Variants in ANKFN1 observed in about 807,000 individuals in gnomAD.
ANKFN1 encodes the protein ankyrin repeat and fibronectin type-III domain-containing protein 1.
Under a neutral mutation model 108.7 loss-of-function variants are expected in ANKFN1, and 74 were observed. The observed-to-expected ratio is 0.68, with a 90% CI of 0.56 to 0.83. ANKFN1 has a LOEUF of 0.83. ANKFN1 is among the 40% of genes least tolerant of loss of function. The pLI, the probability that ANKFN1 is intolerant of heterozygous loss-of-function variation, is 0.00. For missense variants in ANKFN1, 1,505 were observed against 1,382.3 expected (o/e 1.09, Z -1.41); for synonymous variants, 547 against 516.2 (o/e 1.06, Z -0.81).
intron 4 of ANKFN1, among the ~76,000 whole-genome samples, chr17:56,080,551 A>C (rs1905233537): frequency 6.6e-6 from 1 of 152,216 alleles, no homozygotes; most frequent in Non-Finnish European, 1.5e-5. Context: ...TCTGTGTGTC[A>C]TTCTCCATTC....
At chr17:56,446,035 C>T (rs576417615) in intron 10 of ANKFN1, among the ~76,000 whole-genome samples, 15 of 152,280 alleles carry the variant, frequency 9.9e-5, no homozygotes, top group East Asian at 9.6e-4. Flanking sequence ...TTTATGTAGT[C>T]GTCAGAACCT....
chr17:56,321,398 A>C (rs2045361831), intron 3 of ANKFN1, among the ~76,000 whole-genome samples: 1 of 151,902 alleles, frequency 6.6e-6, no homozygotes, highest in Admixed American at 6.6e-5. Flanking sequence ...TGCTGACCAC[A>C]GTAAGGGAAT....
intron 3 of ANKFN1, among the ~76,000 whole-genome samples, chr17:56,321,026 C>T (rs1019399341): frequency 1.9e-4 from 28 of 146,926 alleles, no homozygotes; most frequent in African/African-American, 7.6e-5. Context: ...TAATCAAGAA[C>T]TAGCATGCCC....
intron 20 of ANKFN1, among the ~76,000 whole-genome samples, chr17:56,502,967 T>G (rs2051421722): frequency 6.6e-6 from 1 of 152,230 alleles, no homozygotes; most frequent in African/African-American, 2.4e-5. Context: ...GTAGAACTCC[T>G]GTGCGTCAAT....
chr17:56,429,079 C>A (rs752883264), intron 8 of ANKFN1, among the ~76,000 whole-genome samples: 8 of 152,106 alleles, frequency 5.3e-5, no homozygotes, highest in Admixed American at 2.0e-4. Flanking sequence ...ATGGGCAGAT[C>A]CTCTTGTATA....
At chr17:56,301,633 T>C (rs2044672917) in intron 3 of ANKFN1, among the ~76,000 whole-genome samples, 1 of 151,856 alleles carries the variant, frequency 6.6e-6, no homozygotes, top group Non-Finnish European at 1.5e-5. Flanking sequence ...TTTAGCTGGA[T>C]TTACTGAATG....
At chr17:56,401,368 A>ATTGTATTGTATTGTATTGTGTTGTG (rs55888620) in intron 8 of ANKFN1, among the ~76,000 whole-genome samples, 1 of 135,548 alleles carries the variant, frequency 7.4e-6, no homozygotes, top group African/African-American at 2.8e-5. Flanking sequence ...ATTGTATTGT[A>ATTGTATTGTATTGTATTGTGTTGTG]TTGTGTTGTG....
intron 8 of ANKFN1, among the ~76,000 whole-genome samples, chr17:56,421,511 T>C (rs1405300989): frequency 6.6e-6 from 1 of 152,212 alleles, no homozygotes; most frequent in African/African-American, 2.4e-5. Context: ...ACTAAACCTC[T>C]TTGGCATCAC....
intron 3 of ANKFN1, among the ~76,000 whole-genome samples, chr17:56,309,125 C>T (rs751471856): frequency 3.3e-4 from 50 of 152,154 alleles, no homozygotes; most frequent in Non-Finnish European, 4.3e-4. Flanking sequence ...TGTGTTAATT[C>T]TTTAATTCTT....
intron 3 of ANKFN1, among the ~76,000 whole-genome samples, chr17:56,303,426 C>A (rs1400003728): frequency 2.0e-5 from 3 of 152,162 alleles, no homozygotes; most frequent in African/African-American, 7.2e-5. Flanking sequence ...AATTCATCTG[C>A]TGCTCAACAC....
chr17:56,358,283 T>C lies in ANKFN1; in HGVS notation c.601+4237T>C, dbSNP rs544405555. Among the ~76,000 whole-genome samples the C allele has an allele frequency of 3.3e-5, 5 of 152,326 alleles. No individual in the cohort carries two copies. In the East Asian group the frequency reaches 9.6e-4, roughly 29 times the overall value. Reference sequence around the variant, plus strand: ...AATTCAGAAGAACATCCTCTGTAGTTTTCTCCATTTCTTAACAGGAATCAC... The same window carrying C: ...AATTCAGAAGAACATCCTCTGTAGTCTTCTCCATTTCTTAACAGGAATCAC... On this transcript the variant is annotated intron_variant, in intron 6 of 20. Transcript: ENST00000682825.
At chr17:56,203,659 G>A (rs1030202938) in intron 1 of ANKFN1, among the ~76,000 whole-genome samples, 2 of 152,146 alleles carry the variant, frequency 1.3e-5, no homozygotes, top group East Asian at 1.9e-4. Context: ...CCTGCTCTTC[G>A]TGTTTGCTCT....
intron 4 of ANKFN1, among the ~76,000 whole-genome samples, chr17:56,143,095 T>C (rs1239517435): frequency 6.6e-6 from 1 of 151,976 alleles, no homozygotes; most frequent in African/African-American, 2.4e-5. Flanking sequence ...ATTCCAATGA[T>C]GAGAAGGAGA....
At chr17:56,500,139 C>A (rs184151778) in intron 20 of ANKFN1, among the ~76,000 whole-genome samples, 14 of 152,254 alleles carry the variant, frequency 9.2e-5, no homozygotes, top group African/African-American at 2.9e-4. Context: ...AATACCTATA[C>A]CTTGAAGAGT....
chr17:56,150,955 T>G (rs1908566648), upstream of ANKFN1, among the ~76,000 whole-genome samples: 1 of 152,034 alleles, frequency 6.6e-6, no homozygotes, highest in African/African-American at 2.4e-5. Flanking sequence ...GTGAATAGAG[T>G]GACCTGACCA....
At chr17:56,288,842 G>A (rs1411905528) in intron 3 of ANKFN1, among the ~76,000 whole-genome samples, 3 of 152,112 alleles carry the variant, frequency 2.0e-5, no homozygotes, top group African/African-American at 7.2e-5. Context: ...TCTATTTCCT[G>A]GTCACACCCT....
intron 4 of ANKFN1, among the ~76,000 whole-genome samples, chr17:56,078,121 G>A (rs1347704713): frequency 6.6e-6 from 1 of 152,132 alleles, no homozygotes; most frequent in Non-Finnish European, 1.5e-5. Context: ...ACCTGTGGTA[G>A]GCAGCAGCTC....
chr17:56,055,949 T>C (rs1356383931), intron 4 of ANKFN1, among the ~76,000 whole-genome samples: 1 of 152,096 alleles, frequency 6.6e-6, no homozygotes, highest in African/African-American at 2.4e-5. Flanking sequence ...ATTGTGGTTT[T>C]AATTTGTGTT....
Position 56,482,512 on chromosome 17 carries a change from A to G in ANKFN1, c.2248A>G (p.Met750Val), listed in dbSNP as rs944125767. ...HSGFLNLPLQ[M>V]FELVHFCSYR... ...AGGGTTTCTTAACCTCCCTCTTCAG[A>G]TGTTTGAACTTGGTATAGTAGCTTG... Residue 750 changes from methionine to valine, a missense_variant, in exon 18 of 21, where the codon ATG becomes GTG. Met to Val is a conservative substitution (Grantham distance 21). Transcript: ENST00000682825. 4 of 1,612,848 alleles carry G rather than the reference A, an allele frequency of 2.5e-6. No homozygotes were observed. Among genetic ancestry groups the G allele is most frequent in the Non-Finnish European group, 3.4e-6 (4 of 1,179,442 alleles).
Sources: gnomAD v4.1 joint callset for allele counts (sites outside exome capture counted in the v4.1 genomes callset) on GRCh38, gnomAD v4.1.1 for gene constraint, MANE v1.5 for transcripts, NCBI Gene and HGNC (gene_info 2026-07-23, HGNC 2026-07-21) for gene names.